ZNF407: variants seen among roughly 807,000 people sequenced by gnomAD.
The protein encoded by ZNF407 is zinc finger protein 407.
ZNF407 carries 17 observed loss-of-function variants against 131.2 expected under a neutral mutation model. That is an observed-to-expected ratio of 0.13 (90% CI 0.09 to 0.19). ZNF407 has a LOEUF of 0.19. Among genes scored for constraint, ZNF407 ranks in the 10% least tolerant of loss-of-function variants. The pLI is 1.00. For missense variants in ZNF407, 2,681 were observed against 2,830.6 expected (o/e 0.95, Z 1.20); for synonymous variants, 1,156 against 1,062.0 (o/e 1.09, Z -1.72).
At chr18:74,826,143 C>A (rs1599179485) in intron 4 of ZNF407, among the ~76,000 whole-genome samples, 2 of 152,224 alleles carry the variant, frequency 1.3e-5, no homozygotes, top group East Asian at 3.9e-4. Context: ...CTTCAGTTGG[C>A]TATTTTTGGT....
intron 3 of ZNF407, among the ~76,000 whole-genome samples, chr18:74,740,018 C>G (rs1276816139): frequency 6.6e-6 from 1 of 152,176 alleles, no homozygotes; most frequent in East Asian, 1.9e-4. Context: ...CCTCTGGCTT[C>G]TGCATCAAAT....
intron 8 of ZNF407, among the ~76,000 whole-genome samples, chr18:75,031,671 A>T (rs928028642): frequency 2.0e-5 from 3 of 152,214 alleles, no homozygotes; most frequent in Non-Finnish European, 2.9e-5. Context: ...AACTTTCATT[A>T]AAAATCCATC....
At chr18:74,881,282 T>A (rs1971234533) in intron 6 of ZNF407, among the ~76,000 whole-genome samples, 163 bp downstream of exon 6, 1 of 152,262 alleles carries the variant, frequency 6.6e-6, no homozygotes. Context: ...AAATTTTAAA[T>A]CATCTCTTTT....
At chr18:75,045,419 G>T (rs745420099) in intron 8 of ZNF407, among the ~76,000 whole-genome samples, 9 of 152,156 alleles carry the variant, frequency 5.9e-5, no homozygotes, top group Non-Finnish European at 1.3e-4. Context: ...CAAAACAATT[G>T]TCAAGTCCCT....
intron 3 of ZNF407, among the ~76,000 whole-genome samples, chr18:74,749,903 A>C (rs2144941305): frequency 6.6e-6 from 1 of 152,300 alleles, no homozygotes; most frequent in East Asian, 1.9e-4. Flanking sequence ...GGAAACTATA[A>C]AAATTAGAAG....
At chr18:74,765,042 C>T (rs1333991018) in intron 3 of ZNF407, among the ~76,000 whole-genome samples, 2 of 152,072 alleles carry the variant, frequency 1.3e-5, no homozygotes, top group African/African-American at 4.8e-5. Context: ...AAAGTGGACC[C>T]ACACAGTTCC....
chr18:75,001,589 A>C (rs1264695172), intron 8 of ZNF407, among the ~76,000 whole-genome samples: 3 of 152,232 alleles, frequency 2.0e-5, no homozygotes, highest in Non-Finnish European at 4.4e-5. Context: ...AAAAGGAAAC[A>C]GAATGCGTTC....
intron 7 of ZNF407, among the ~76,000 whole-genome samples, chr18:74,911,898 C>T (rs548146084): frequency 1.4e-4 from 22 of 152,152 alleles, no homozygotes; most frequent in East Asian, 1.9e-4. Flanking sequence ...AAGTGGGTTG[C>T]GGGAATGAGA....
intron 8 of ZNF407, among the ~76,000 whole-genome samples, chr18:74,969,299 T>C (rs1288851498): frequency 3.3e-5 from 5 of 152,212 alleles, no homozygotes; most frequent in African/African-American, 1.2e-4. Context: ...CATGTTGAGA[T>C]TTTCCTGGTT....
intron 8 of ZNF407, among the ~76,000 whole-genome samples, chr18:75,043,074 T>C (rs969278876): frequency 6.6e-6 from 1 of 152,144 alleles, no homozygotes; most frequent in African/African-American, 2.4e-5. Context: ...GATGATGTGG[T>C]GAGAAATTGC....
At chr18:74,805,343 G>A (rs1260393671) in intron 4 of ZNF407, among the ~76,000 whole-genome samples, 1 of 152,006 alleles carries the variant, frequency 6.6e-6, no homozygotes, top group Non-Finnish European at 1.5e-5. Flanking sequence ...CTCATATATT[G>A]CGGAAAATCT....
At chr18:74,991,107 G>T (rs1447495742) in intron 8 of ZNF407, among the ~76,000 whole-genome samples, 1 of 152,154 alleles carries the variant, frequency 6.6e-6, no homozygotes, top group Admixed American at 6.6e-5. Flanking sequence ...TTTCAGTTAG[G>T]TTTTTTTCTA....
chr18:75,023,570 A>ATCAGAG (rs1324130111), intron 8 of ZNF407, among the ~76,000 whole-genome samples: 1 of 152,202 alleles, frequency 6.6e-6, no homozygotes, highest in Non-Finnish European at 1.5e-5. Context: ...AACTAATCAA[A>ATCAGAG]GCTACCCTCT....
intron 8 of ZNF407, among the ~76,000 whole-genome samples, chr18:74,980,099 G>GGA (rs1972571411): frequency 2.7e-5 from 4 of 150,040 alleles, no homozygotes; most frequent in Middle Eastern, 3.4e-3. Flanking sequence ...TCCACTGTTG[G>GGA]AAAAAAAAAT....
At chr18:74,617,430 T>C (rs1167560170) in intron 1 of ZNF407, among the ~76,000 whole-genome samples, 1 of 152,246 alleles carries the variant, frequency 6.6e-6, no homozygotes, top group Non-Finnish European at 1.5e-5. Flanking sequence ...CTGCAATTCA[T>C]GTATCTTTAG....
chr18:74,646,331 A>T (rs1010244148), intron 3 of ZNF407, among the ~76,000 whole-genome samples: 3 of 152,204 alleles, frequency 2.0e-5, no homozygotes, highest in African/African-American at 7.2e-5. Context: ...GGTTAAAGAG[A>T]TATAGATAGG....
chr18:74,916,572 TGC>T (rs1971769610), intron 7 of ZNF407, among the ~76,000 whole-genome samples: 2 of 123,272 alleles, frequency 1.6e-5, no homozygotes, highest in African/African-American at 6.7e-5. Flanking sequence ...TGTGTGTGTG[TGC>T]ATGCATGTGT....
chr18:74,737,599 TGCATGTGTGTGGATACATAC>T (rs1411748445), intron 3 of ZNF407, among the ~76,000 whole-genome samples: 12 of 152,216 alleles, frequency 7.9e-5, no homozygotes. Context: ...GTGTGTGCAG[TGCATGTGTGTGGATACATAC>T]GCAGACACAC....
At chr18:74,974,126 C>T (rs975637608) in intron 8 of ZNF407, among the ~76,000 whole-genome samples, 1 of 152,138 alleles carries the variant, frequency 6.6e-6, no homozygotes, top group Non-Finnish European at 1.5e-5. Flanking sequence ...AATTTGTAAG[C>T]TCTACAACTG....
Sources: gnomAD v4.1 joint callset for allele counts (sites outside exome capture counted in the v4.1 genomes callset) on GRCh38, gnomAD v4.1.1 for gene constraint, MANE v1.5 for transcripts, NCBI Gene and HGNC (gene_info 2026-07-23, HGNC 2026-07-21) for gene names.